Variants in ASXL3 observed in about 807,000 individuals in gnomAD.
The protein encoded by ASXL3 is ASXL transcriptional regulator 3, also known as putative Polycomb group protein ASXL3.
Under a neutral mutation model 170.6 loss-of-function variants are expected in ASXL3, and 34 were observed. The ratio of observed to expected loss-of-function variants is 0.20; its 90% CI spans 0.15 to 0.27. The LOEUF is 0.27. Among genes scored for constraint, ASXL3 ranks in the 10% least tolerant of loss-of-function variants. The pLI is 1.00. For missense variants in ASXL3, 2,592 were observed against 2,695.3 expected, an observed-to-expected ratio of 0.96 and a Z score of 0.85; for synonymous variants, 1,002 against 989.1, an observed-to-expected ratio of 1.01 and a Z score of -0.24.
chr18:33,728,768 C>T lies in ASXL3; in HGVS notation c.880-3200C>T, dbSNP rs117654093. 7.4e-3 allele frequency among the ~76,000 whole-genome samples: 1,130 copies of T among 152,186 alleles called. 7 individuals carry two copies. Among genetic ancestry groups the T allele is most frequent in the Admixed American group, 0.013 (202 of 15,270 alleles). On this transcript the variant is annotated intron_variant, in intron 8 of 11. Transcript: ENST00000269197. ...TTTGTTGCCTTTTACTGAAATACTC[C>T]GATACCCTTTCTAGCAATGTCTCAG...
chr18:33,737,635 TAA>T (rs1259926722), intron 10 of ASXL3, among the ~76,000 whole-genome samples: 1 of 152,188 alleles, frequency 6.6e-6, no homozygotes, highest in East Asian at 1.9e-4. Flanking sequence ...TAAAAGAATT[TAA>T]AAGTCTTGCT....
At chr18:33,692,445 C>A (rs2066701509) in intron 8 of ASXL3, among the ~76,000 whole-genome samples, 1 of 152,124 alleles carries the variant, frequency 6.6e-6, no homozygotes, top group South Asian at 2.1e-4. Flanking sequence ...ACTATCTCTG[C>A]AGGGATGCTT....
intron 2 of ASXL3, among the ~76,000 whole-genome samples, chr18:33,623,131 T>C (rs544725622): frequency 6.6e-6 from 1 of 152,194 alleles, no homozygotes; most frequent in Non-Finnish European, 1.5e-5. Flanking sequence ...CTAATTCAAA[T>C]GTCACATAGC....
intron 1 of ASXL3, among the ~76,000 whole-genome samples, chr18:33,580,522 T>C (rs771621798): frequency 3.9e-5 from 6 of 152,240 alleles, no homozygotes; most frequent in Non-Finnish European, 7.3e-5. Context: ...ATTAGCCATA[T>C]CTGCCTGCAG....
At chr18:33,593,442 A>G (rs1463574483) in intron 1 of ASXL3, among the ~76,000 whole-genome samples, 2 of 151,856 alleles carry the variant, frequency 1.3e-5, no homozygotes, top group South Asian at 2.1e-4. Flanking sequence ...TATCCCATGC[A>G]GAAACTCCTG....
At chr18:33,603,706 A>G (rs1205851114) in intron 1 of ASXL3, among the ~76,000 whole-genome samples, 1 of 151,978 alleles carries the variant, frequency 6.6e-6, no homozygotes, top group East Asian at 1.9e-4. Context: ...TGAATTTGAA[A>G]CCTTTCATGG....
At chr18:33,711,439 A>G (rs1057079971) in intron 8 of ASXL3, among the ~76,000 whole-genome samples, 4 of 152,184 alleles carry the variant, frequency 2.6e-5, no homozygotes, top group African/African-American at 7.2e-5. Flanking sequence ...CATATATATT[A>G]ACTGCATTTT....
intron 10 of ASXL3, among the ~76,000 whole-genome samples, chr18:33,737,304 T>G (rs983016387): frequency 1.3e-5 from 2 of 152,138 alleles, no homozygotes; most frequent in Non-Finnish European, 2.9e-5. Flanking sequence ...AAGGTTAAAG[T>G]GGTTTTCACT....
intron 1 of ASXL3, among the ~76,000 whole-genome samples, chr18:33,591,857 G>T (rs1478873653): frequency 2.6e-5 from 4 of 151,890 alleles, no homozygotes; most frequent in Admixed American, 2.6e-4. Flanking sequence ...TAGCCAGGAT[G>T]GTCTCGATCT....
intron 8 of ASXL3, among the ~76,000 whole-genome samples, chr18:33,710,689 A>G (rs879338823): frequency 3.9e-5 from 6 of 152,140 alleles, no homozygotes; most frequent in African/African-American, 1.2e-4. Flanking sequence ...AGAATTTCCT[A>G]CTTATTTAGA....
chr18:33,611,816 T>C (rs1177072769), intron 2 of ASXL3, among the ~76,000 whole-genome samples: 1 of 152,024 alleles, frequency 6.6e-6, no homozygotes, highest in Non-Finnish European at 1.5e-5. Flanking sequence ...AATTCTGATT[T>C]TCTGTTTTTG....
At chr18:33,699,437 C>A (rs545325254) in intron 8 of ASXL3, among the ~76,000 whole-genome samples, 1 of 152,116 alleles carries the variant, frequency 6.6e-6, no homozygotes, top group Non-Finnish European at 1.5e-5. Context: ...TTTGAACTGG[C>A]AAATGAAAGA....
At chr18:33,680,630 A>G (rs895851981) in intron 7 of ASXL3, among the ~76,000 whole-genome samples, 2 of 152,074 alleles carry the variant, frequency 1.3e-5, no homozygotes, top group Non-Finnish European at 2.9e-5. Context: ...AGGCTGTGCT[A>G]TTTAAATGAA....
intron 1 of ASXL3, among the ~76,000 whole-genome samples, chr18:33,582,265 A>G (rs1246479686): frequency 1.3e-5 from 2 of 152,216 alleles, no homozygotes; most frequent in African/African-American, 2.4e-5. Flanking sequence ...TTCTGTTACT[A>G]TAAATACAGT....
intron 7 of ASXL3, among the ~76,000 whole-genome samples, chr18:33,681,052 A>G (rs1009783234): frequency 5.3e-5 from 8 of 151,566 alleles, no homozygotes; most frequent in African/African-American, 1.9e-4. Flanking sequence ...TTTTTCTTCC[A>G]ATAGCTACTT....
In ASXL3 at chr18:33,740,904, TGTACA is replaced by T. The variant is rs1191781566; in HGVS notation, c.3039+465_3039+469del. Among the ~76,000 whole-genome samples, 4 of 152,360 alleles carry T rather than the reference TGTACA, an allele frequency of 2.6e-5. No individual in the cohort carries two copies. The South Asian group carries it at 8.3e-4, about 32-fold the overall frequency. ...TTTTATCTAAGTGCATTTATACTGT[TGTACA>T]GTAAAGTGGATTATTCCATCATAGC... On this transcript the variant is annotated intron_variant, in intron 11 of 11. Coordinates refer to ENST00000269197, the MANE Select transcript of ASXL3 (RefSeq NM_030632.3).
At position 33,739,300 on chromosome 18, in the gene ASXL3, A is replaced by G; in HGVS notation, c.1896A>G (p.Thr632=). The G allele has an allele frequency of 6.2e-7, 1 of 1,613,592 alleles. No homozygotes were observed. ...GCCTGCCTTCTCCAGGAGGGGAAAC[A>G]CAGTCCACATCAGAAGAATCATGTA... The part of the protein sequence containing the change: ...CTSLPSPGGE[T]QSTSEESCTP... Residue 632 remains threonine (T), a synonymous_variant, in exon 11 of 12, where the codon ACA becomes ACG. Transcript: ENST00000269197.
At chr18:33,688,718 T>C (rs2066639289) in intron 8 of ASXL3, among the ~76,000 whole-genome samples, 1 of 152,158 alleles carries the variant, frequency 6.6e-6, no homozygotes, top group Non-Finnish European at 1.5e-5. Flanking sequence ...GTGTCAAATG[T>C]ACAATAGGAA....
intron 1 of ASXL3, among the ~76,000 whole-genome samples, chr18:33,585,415 T>G (rs879145865): frequency 6.6e-6 from 1 of 152,152 alleles, no homozygotes; most frequent in Non-Finnish European, 1.5e-5. Flanking sequence ...TTTTCATTAT[T>G]AAACAAATCT....
Sources: gnomAD v4.1 joint callset for allele counts (sites outside exome capture counted in the v4.1 genomes callset) on GRCh38, gnomAD v4.1.1 for gene constraint, MANE v1.5 for transcripts, NCBI Gene and HGNC (gene_info 2026-07-23, HGNC 2026-07-21) for gene names.